The following GRM5 variants were observed in gnomAD, a reference collection of about 807,000 sequenced individuals.
GRM5 encodes the protein metabotropic glutamate receptor 5.
Under a neutral mutation model 83.1 loss-of-function variants are expected in GRM5, and 19 were observed. That is an observed-to-expected ratio of 0.23 (90% CI 0.16 to 0.34). The LOEUF (loss-of-function observed/expected upper bound fraction) is 0.34, where lower values mean the gene tolerates loss of function less well. GRM5 is among the 10% of genes least tolerant of loss of function. The pLI, the probability that GRM5 is intolerant of heterozygous loss-of-function variation, is 1.00. For missense variants in GRM5, 1,160 were observed against 1,588.3 expected, an observed-to-expected ratio of 0.73 and a Z score of 4.58; for synonymous variants, 675 against 633.6, an observed-to-expected ratio of 1.07 and a Z score of -0.98.
At chr11:88,513,590 T>C (rs1253635020) in intron 9 of GRM5, among the ~76,000 whole-genome samples, 2 of 152,128 alleles carry the variant, frequency 1.3e-5, no homozygotes, top group Non-Finnish European at 2.9e-5. Flanking sequence ...TTATAACTCA[T>C]ATCTGTCTTA....
At chr11:88,681,044 T>G (rs1489108699) in intron 3 of GRM5, among the ~76,000 whole-genome samples, 1 of 152,152 alleles carries the variant, frequency 6.6e-6, no homozygotes, top group East Asian at 1.9e-4. Context: ...AATGTCTTCA[T>G]TGTCTCTACA....
intron 2 of GRM5, among the ~76,000 whole-genome samples, chr11:88,920,588 G>A (rs1945674175): frequency 1.3e-5 from 2 of 152,086 alleles, no homozygotes; most frequent in South Asian, 4.1e-4. Context: ...TATGAGGCCA[G>A]TAATATCCTG....
chr11:88,801,022 T>C (rs1187124659), intron 3 of GRM5, among the ~76,000 whole-genome samples: 1 of 152,144 alleles, frequency 6.6e-6, no homozygotes, highest in East Asian at 1.9e-4. Flanking sequence ...TGCTATATGC[T>C]TCAGGTATGT....
chr11:88,590,415 C>A (rs1266409483), intron 7 of GRM5, among the ~76,000 whole-genome samples, 186 bp downstream of exon 7: 1 of 152,162 alleles, frequency 6.6e-6, no homozygotes, highest in Non-Finnish European at 1.5e-5. Flanking sequence ...ATAGGCAGAT[C>A]TCTCCCAGAG....
chr11:88,872,604 A>G (rs1195469459), intron 2 of GRM5, among the ~76,000 whole-genome samples: 1 of 151,442 alleles, frequency 6.6e-6, no homozygotes, highest in Non-Finnish European at 1.5e-5. Flanking sequence ...AATAGAAACT[A>G]GAATAAGAGA....
intron 2 of GRM5, among the ~76,000 whole-genome samples, chr11:88,866,839 G>C (rs1944675432): frequency 6.6e-6 from 1 of 152,074 alleles, no homozygotes; most frequent in Admixed American, 6.6e-5. Flanking sequence ...TATGGTTTTA[G>C]GTATTAGTTT....
intron 3 of GRM5, among the ~76,000 whole-genome samples, chr11:88,721,375 C>A (rs1466904264): frequency 6.6e-6 from 1 of 152,078 alleles, no homozygotes; most frequent in Admixed American, 6.6e-5. Context: ...ACTAAGAATG[C>A]ACTATTTCAT....
intron 7 of GRM5, among the ~76,000 whole-genome samples, chr11:88,574,985 C>CTTTTTTTTTTTTTT (rs796257304): frequency 1.7e-5 from 2 of 116,174 alleles, no homozygotes; most frequent in African/African-American, 6.5e-5. Flanking sequence ...CTTTTCTTTT[C>CTTTTTTTTTTTTTT]TTTTTTTTTT....
intron 4 of GRM5, among the ~76,000 whole-genome samples, chr11:88,612,070 A>C (rs1938333642): frequency 6.7e-6 from 1 of 148,330 alleles, no homozygotes; most frequent in South Asian, 2.1e-4. Flanking sequence ...GCACCCACTA[A>C]CTCGTCATCT....
chr11:88,814,023 C>G (rs1416279612), intron 3 of GRM5, among the ~76,000 whole-genome samples: 11 of 152,014 alleles, frequency 7.2e-5, no homozygotes, highest in Non-Finnish European at 1.6e-4. Flanking sequence ...CTTTTAATTA[C>G]TAAATGATTC....
chr11:88,895,954 A>G (rs1484112914), intron 2 of GRM5, among the ~76,000 whole-genome samples: 6 of 152,016 alleles, frequency 3.9e-5, no homozygotes, highest in Non-Finnish European at 8.8e-5. Flanking sequence ...TAGAAGAAAC[A>G]GCACTAGAAT....
intron 1 of GRM5, among the ~76,000 whole-genome samples, chr11:89,057,479 A>C (rs1279782505): frequency 6.6e-6 from 1 of 152,184 alleles, no homozygotes; most frequent in Non-Finnish European, 1.5e-5. Flanking sequence ...CTATTGTACA[A>C]AGATGAAATC....
At chr11:88,849,863 T>G in intron 3 of GRM5, 43 bp downstream of exon 3, 1 of 1,593,518 alleles carries the variant, frequency 6.3e-7, no homozygotes, top group Non-Finnish European at 8.6e-7. Context: ...TGCTGCCAAA[T>G]TCCTGGTATT....
chr11:89,050,401 C>A (rs1031351268), intron 1 of GRM5, among the ~76,000 whole-genome samples: 1 of 152,106 alleles, frequency 6.6e-6, no homozygotes, highest in African/African-American at 2.4e-5. Flanking sequence ...CAAGTATGAG[C>A]AAAATATACA....
At chr11:88,734,855 C>T (rs1941880103) in intron 3 of GRM5, among the ~76,000 whole-genome samples, 1 of 151,914 alleles carries the variant, frequency 6.6e-6, no homozygotes, top group Non-Finnish European at 1.5e-5. Context: ...GAAATGGATT[C>T]CAGAGATGGA....
intron 2 of GRM5, among the ~76,000 whole-genome samples, chr11:88,939,557 T>C (rs994885189): frequency 1.3e-5 from 2 of 151,842 alleles, no homozygotes; most frequent in African/African-American, 2.4e-5. Context: ...CTTTTAACGA[T>C]ATTTACCGGA....
At chr11:88,691,628 CT>C (rs1565188793) in intron 3 of GRM5, among the ~76,000 whole-genome samples, 2 of 152,084 alleles carry the variant, frequency 1.3e-5, no homozygotes, top group African/African-American at 2.4e-5. Flanking sequence ...TCAACATCTA[CT>C]TTCATTTTGT....
chr11:88,630,573 A>AC (rs1491272542), intron 4 of GRM5, among the ~76,000 whole-genome samples: 1,454 of 6,710 alleles, frequency 0.22, 32 homozygotes, highest in Middle Eastern at 0.4. Context: ...ACACACACAC[A>AC]AACACACACA....
At chr11:89,042,406 T>A (rs1941555296) in intron 2 of GRM5, among the ~76,000 whole-genome samples, 1 of 152,130 alleles carries the variant, frequency 6.6e-6, no homozygotes, top group South Asian at 2.1e-4. Flanking sequence ...TGCAACTAAT[T>A]ATCTGACAAG....
Sources: gnomAD v4.1 joint callset for allele counts (sites outside exome capture counted in the v4.1 genomes callset) on GRCh38, gnomAD v4.1.1 for gene constraint, MANE v1.5 for transcripts, NCBI Gene and HGNC (gene_info 2026-07-23, HGNC 2026-07-21) for gene names.